The following PHLDB2 variants were observed in gnomAD, a reference collection of about 807,000 sequenced individuals.
PHLDB2 encodes the protein pleckstrin homology-like domain family B member 2.
In PHLDB2, 71 loss-of-function variants were observed where a neutral mutation model predicts 123.6. The ratio of observed to expected loss-of-function variants is 0.57; its 90% confidence interval spans 0.47 to 0.70. The LOEUF is 0.70. PHLDB2 is among the 30% of genes least tolerant of loss of function. The pLI, the probability that PHLDB2 is intolerant of heterozygous loss-of-function variation, is 0.00. For synonymous variants in PHLDB2, 547 were observed against 541.6 expected (o/e 1.01, Z -0.14); for missense variants, 1,446 against 1,519.5 (o/e 0.95, Z 0.80).
In PHLDB2 at chr3:111,967,832, G is replaced by T. The variant is rs376875055; in HGVS notation, c.3315+8G>T. 3.3e-4 allele frequency: 527 copies of T among 1,602,060 alleles called. No homozygotes were observed. The highest frequency in any genetic ancestry group is 4.2e-4 in the Non-Finnish European group (489 of 1,176,352). Reference sequence around the variant, plus strand: ...GAGAGACAAAGGGCACAGGTTGGTCGGTCAATCTGAATGCATATGGGCAGG... The same window carrying T: ...GAGAGACAAAGGGCACAGGTTGGTCTGTCAATCTGAATGCATATGGGCAGG... On this transcript the variant is annotated splice_region_variant and intron_variant, in intron 15 of 17. Coordinates refer to ENST00000431670, the MANE Select transcript of PHLDB2 (RefSeq NM_001134438.2).
chr3:111,884,671 C>T lies in PHLDB2; in HGVS notation c.594C>T (p.Ala198=), dbSNP rs138018171. 4.6e-5 allele frequency: 74 copies of T among 1,614,100 alleles called. No homozygotes were observed. In the African/African-American group the frequency reaches 5.6e-4, roughly 12 times the overall value. ...CGCCTCCTATCAGCAGATCGGGAGC[C>T]GCAAGCATGCCTTCAAGCCCAAAGC... is the stretch of plus-strand genomic sequence containing the variant. The part of the protein sequence containing the change: ...AGPPPISRSG[A]ASMPSSPKQA... The change falls in exon 2 of 18, where the codon GCC becomes GCT. Residue 198 remains alanine, a synonymous_variant. Transcript: ENST00000431670.
intron 9 of PHLDB2, among the ~76,000 whole-genome samples, chr3:111,946,218 C>T (rs977274624): frequency 2.6e-5 from 4 of 152,222 alleles, no homozygotes; most frequent in East Asian, 1.9e-4. Context: ...GACGGGGTTT[C>T]GCCATATTGG....
chr3:111,931,372 G>A (rs1216915041), intron 5 of PHLDB2, among the ~76,000 whole-genome samples: 1 of 152,214 alleles, frequency 6.6e-6, no homozygotes, highest in Non-Finnish European at 1.5e-5. Context: ...TTAAGAGGTA[G>A]CATTGTAAAG....
intron 2 of PHLDB2, among the ~76,000 whole-genome samples, chr3:111,893,015 A>C (rs2066591281): frequency 6.6e-6 from 1 of 152,204 alleles, no homozygotes; most frequent in South Asian, 2.1e-4. Context: ...GAGCGTTGTC[A>C]GGTCAAAGTG....
intron 2 of PHLDB2, among the ~76,000 whole-genome samples, chr3:111,896,640 C>T (rs1173639494): frequency 2.0e-5 from 3 of 151,974 alleles, no homozygotes; most frequent in African/African-American, 7.3e-5. Flanking sequence ...TGTGAGCCAC[C>T]GCGTCCAGGC....
chr3:111,764,719 A>G (rs1247857052), intron 1 of PHLDB2, among the ~76,000 whole-genome samples: 1 of 152,194 alleles, frequency 6.6e-6, no homozygotes, highest in East Asian at 1.9e-4. Flanking sequence ...TTTCCATCAT[A>G]CTGTATTAAA....
chr3:111,846,597 A>T (rs2063997209), intron 2 of PHLDB2: 1 of 152,232 alleles, frequency 6.6e-6, no homozygotes, highest in South Asian at 2.1e-4. Context: ...TTCTTGTATT[A>T]AGGGAGGGCA....
chr3:111,792,567 T>A (rs2060974917), intron 1 of PHLDB2, among the ~76,000 whole-genome samples: 1 of 152,020 alleles, frequency 6.6e-6, no homozygotes, highest in East Asian at 1.9e-4. Context: ...ATTCGCCAAG[T>A]GTAGTGGCAC....
intron 1 of PHLDB2, among the ~76,000 whole-genome samples, chr3:111,758,735 C>T (rs777775939): frequency 1.1e-4 from 17 of 152,304 alleles, no homozygotes; most frequent in Non-Finnish European, 1.8e-4. Flanking sequence ...TGTTCCTATT[C>T]GGCCATCTTG....
Position 111,919,200 on chromosome 3 carries a change from T to C in PHLDB2, c.1848T>C (p.Asp616=), listed in dbSNP as rs2068351689. The C allele has an allele frequency of 6.2e-7, 1 of 1,614,008 alleles. No homozygotes were observed. ...QKIKDINDQM[D]ESFRELDMEC... is the part of the protein sequence containing the mutation. ...TCAAAGACATAAATGATCAGATGGA[T>C]GAGTCTTTCAGAGAGGTAAACTTTT... The change falls in exon 4 of 18, where the codon GAT becomes GAC. Residue 616 remains aspartate (D), a synonymous_variant. Transcript: ENST00000431670.
intron 1 of PHLDB2, among the ~76,000 whole-genome samples, chr3:111,769,219 G>A (rs73852887): frequency 7.2e-5 from 11 of 152,220 alleles, no homozygotes; most frequent in African/African-American, 2.6e-4. Flanking sequence ...GATGAGGATT[G>A]GCCTATGAAA....
intron 1 of PHLDB2, among the ~76,000 whole-genome samples, chr3:111,822,745 G>C (rs1028137373): frequency 6.6e-6 from 1 of 152,004 alleles, no homozygotes; most frequent in Non-Finnish European, 1.5e-5. Context: ...TACCTCCTTG[G>C]TCCAAATTCC....
chr3:111,923,343 G>A (rs2068631664), intron 5 of PHLDB2, among the ~76,000 whole-genome samples: 1 of 152,094 alleles, frequency 6.6e-6, no homozygotes, highest in South Asian at 2.1e-4. Context: ...CCTTTTGTTT[G>A]CCTCTGTGTA....
At chr3:111,861,890 G>A (rs1172129266) in intron 1 of PHLDB2, among the ~76,000 whole-genome samples, 2 of 152,208 alleles carry the variant, frequency 1.3e-5, no homozygotes, top group Non-Finnish European at 2.9e-5. Flanking sequence ...TGACTCTCGA[G>A]TTCATTGGAG....
At chr3:111,761,402 C>T (rs1184953364) in intron 1 of PHLDB2, among the ~76,000 whole-genome samples, 2 of 152,074 alleles carry the variant, frequency 1.3e-5, no homozygotes, top group Non-Finnish European at 2.9e-5. Context: ...CTCAAAGTCT[C>T]CTTATACACG....
chr3:111,939,327 C>G (rs2069718553), intron 6 of PHLDB2, 148 bp from the exon 7 acceptor site: 3 of 721,534 alleles, frequency 4.2e-6, no homozygotes, highest in Non-Finnish European at 6.3e-6. Context: ...TGGGATTTAA[C>G]TCCAAAAGAT....
intron 5 of PHLDB2, among the ~76,000 whole-genome samples, chr3:111,921,975 G>C (rs1409049382): frequency 6.6e-6 from 1 of 152,222 alleles, no homozygotes; most frequent in Non-Finnish European, 1.5e-5. Flanking sequence ...AGAGTTGACT[G>C]TCTAAGTCTG....
chr3:111,841,309 C>T (rs149414941), intron 1 of PHLDB2, among the ~76,000 whole-genome samples: 1 of 152,002 alleles, frequency 6.6e-6, no homozygotes, highest in Non-Finnish European at 1.5e-5. Flanking sequence ...TGAATTTAAA[C>T]AGTGAGCTTT....
At chr3:111,945,539 G>T in intron 9 of PHLDB2, 182 bp downstream of exon 9, 1 of 621,396 alleles carries the variant, frequency 1.6e-6, no homozygotes, top group Admixed American at 3.0e-5. Context: ...GATTATCCTT[G>T]TGTCTAATGC....
Sources: gnomAD v4.1 joint callset for allele counts (sites outside exome capture counted in the v4.1 genomes callset) on GRCh38, gnomAD v4.1.1 for gene constraint, MANE v1.5 for transcripts, NCBI Gene and HGNC (gene_info 2026-07-23, HGNC 2026-07-21) for gene names.